The following NKAIN2 variants were observed in gnomAD, a reference collection of about 807,000 sequenced individuals.
NKAIN2 encodes the protein sodium/potassium-transporting ATPase subunit beta-1-interacting protein 2.
A neutral mutation model predicts 32.6 loss-of-function variants in NKAIN2; 14 were observed. The observed-to-expected ratio is 0.43, with a 90% CI of 0.28 to 0.67. The LOEUF (loss-of-function observed/expected upper bound fraction) is 0.67, where lower values mean the gene tolerates loss of function less well. Among genes scored for constraint, NKAIN2 ranks in the 30% least tolerant of loss-of-function variants. NKAIN2 has a pLI of 0.17. For missense variants in NKAIN2, 198 were observed against 258.3 expected (o/e 0.77, Z 1.60); for synonymous variants, 80 against 87.2 (o/e 0.92, Z 0.46).
intron 1 of NKAIN2, among the ~76,000 whole-genome samples, chr6:123,825,424 T>A (rs1230722511): frequency 6.6e-6 from 1 of 152,198 alleles, no homozygotes; most frequent in Admixed American, 6.5e-5. Flanking sequence ...GAAAAATCTG[T>A]TTTCAGAGTA....
chr6:124,798,430 A>G (rs1043610701), intron 5 of NKAIN2, among the ~76,000 whole-genome samples: 1 of 152,078 alleles, frequency 6.6e-6, no homozygotes, highest in Admixed American at 6.5e-5. Context: ...AATTTTGTCC[A>G]TATCTGCCAG....
intron 3 of NKAIN2, among the ~76,000 whole-genome samples, chr6:124,405,567 A>G (rs1773818061): frequency 6.6e-6 from 1 of 150,846 alleles, no homozygotes; most frequent in Non-Finnish European, 1.5e-5. Context: ...TTTGTGGAGA[A>G]CAGGGTCTCA....
intron 1 of NKAIN2, among the ~76,000 whole-genome samples, chr6:124,248,234 C>T (rs1301652142): frequency 6.6e-6 from 1 of 151,752 alleles, no homozygotes; most frequent in Non-Finnish European, 1.5e-5. Context: ...CTTCTTTTGT[C>T]CTCAGTTTCT....
chr6:124,028,802 C>T (rs557589763), intron 1 of NKAIN2, among the ~76,000 whole-genome samples: 36 of 142,122 alleles, frequency 2.5e-4, no homozygotes, highest in Non-Finnish European at 4.8e-4. Context: ...CGTGTATATA[C>T]GTATATATAC....
intron 6 of NKAIN2, among the ~76,000 whole-genome samples, chr6:124,820,789 T>C (rs188968471): frequency 8.5e-5 from 13 of 152,242 alleles, no homozygotes; most frequent in African/African-American, 3.1e-4. Flanking sequence ...TATTGTGAAC[T>C]GCATGTGTGA....
At chr6:123,995,491 G>T (rs1779581090) in intron 1 of NKAIN2, among the ~76,000 whole-genome samples, 1 of 152,138 alleles carries the variant, frequency 6.6e-6, no homozygotes, top group Non-Finnish European at 1.5e-5. Flanking sequence ...TGGTTATGTG[G>T]AGTTGCTCAA....
chr6:124,384,912 T>C (rs1477366149), intron 3 of NKAIN2, among the ~76,000 whole-genome samples: 1 of 152,306 alleles, frequency 6.6e-6, no homozygotes, highest in African/African-American at 2.4e-5. Context: ...CTTGAGCCAC[T>C]CTGCCCGTCT....
At chr6:124,010,546 C>G (rs1020147178) in intron 1 of NKAIN2, among the ~76,000 whole-genome samples, 8 of 149,962 alleles carry the variant, frequency 5.3e-5, no homozygotes, top group African/African-American at 1.7e-4. Context: ...TATTTATGCC[C>G]TAATGTCATA....
At chr6:123,848,515 G>A (rs1369253402) in intron 1 of NKAIN2, among the ~76,000 whole-genome samples, 1 of 152,110 alleles carries the variant, frequency 6.6e-6, no homozygotes, top group African/African-American at 2.4e-5. Context: ...CCTTTGCTTG[G>A]AATTTCTCTC....
At chr6:124,238,984 T>C (rs538482689) in intron 1 of NKAIN2, among the ~76,000 whole-genome samples, 2 of 151,972 alleles carry the variant, frequency 1.3e-5, no homozygotes, top group Admixed American at 1.3e-4. Context: ...GTATAAAGAG[T>C]CAAGACCCAT....
At chr6:123,924,305 G>T (rs1282784507) in intron 1 of NKAIN2, among the ~76,000 whole-genome samples, 1 of 152,088 alleles carries the variant, frequency 6.6e-6, no homozygotes, top group Non-Finnish European at 1.5e-5. Context: ...ACAGTTCGCT[G>T]GTATAAGCAG....
At chr6:124,206,759 T>C (rs966728626) in intron 1 of NKAIN2, among the ~76,000 whole-genome samples, 7 of 151,886 alleles carry the variant, frequency 4.6e-5, no homozygotes, top group Non-Finnish European at 1.0e-4. Flanking sequence ...GGACCTAGGT[T>C]ACTTAGTTCG....
chr6:124,424,497 T>C (rs548763963), intron 3 of NKAIN2, among the ~76,000 whole-genome samples: 2 of 152,294 alleles, frequency 1.3e-5, no homozygotes, highest in Admixed American at 1.3e-4. Flanking sequence ...ATTAGAACTC[T>C]AGAACTTCTT....
At chr6:124,338,013 C>T (rs1306295420) in intron 2 of NKAIN2, among the ~76,000 whole-genome samples, 3 of 152,084 alleles carry the variant, frequency 2.0e-5, no homozygotes, top group Admixed American at 6.5e-5. Flanking sequence ...TCATGAAGCA[C>T]AGTAGAAAAA....
At chr6:124,215,484 T>C (rs568791164) in intron 1 of NKAIN2, among the ~76,000 whole-genome samples, 59 of 152,268 alleles carry the variant, frequency 3.9e-4, no homozygotes, top group South Asian at 3.7e-3. Flanking sequence ...GTGGAAACTT[T>C]AGAGCCACTG....
chr6:124,522,761 A>G (rs1779160444), intron 3 of NKAIN2, among the ~76,000 whole-genome samples: 1 of 152,192 alleles, frequency 6.6e-6, no homozygotes, highest in African/African-American at 2.4e-5. Context: ...TTAAATCAAG[A>G]TGGAAAATCT....
intron 3 of NKAIN2, among the ~76,000 whole-genome samples, chr6:124,501,494 C>A (rs1379682151): frequency 6.6e-6 from 1 of 152,138 alleles, no homozygotes; most frequent in African/African-American, 2.4e-5. Flanking sequence ...GATTTTGTAA[C>A]CTACTGTAGC....
At chr6:124,282,938 C>A (rs1037019407) in intron 1 of NKAIN2, 67 bp from the exon 2 acceptor site, 6 of 1,392,434 alleles carry the variant, frequency 4.3e-6, no homozygotes, top group East Asian at 2.3e-5. Context: ...TAATTTTATC[C>A]TTTTTTCCTC....
intron 2 of NKAIN2, among the ~76,000 whole-genome samples, chr6:124,351,115 A>G (rs1161285368): frequency 1.3e-5 from 2 of 152,352 alleles, no homozygotes; most frequent in Admixed American, 1.3e-4. Flanking sequence ...GATCAAATGA[A>G]GGTTGGTTTC....
Sources: allele counts gnomAD v4.1 joint callset (sites outside exome capture counted in the v4.1 genomes callset), GRCh38; gene constraint gnomAD v4.1.1; transcripts MANE v1.5; gene names NCBI Gene and HGNC (gene_info 2026-07-23, HGNC 2026-07-21).